Variants in USP24 observed in about 807,000 individuals in gnomAD.
USP24 encodes the protein ubiquitin specific peptidase 24, also known as ubiquitin carboxyl-terminal hydrolase 24.
Under a neutral mutation model 361.6 loss-of-function variants are expected in USP24, and 97 were observed. That is an observed-to-expected ratio of 0.27 (90% CI 0.23 to 0.32). The LOEUF is 0.32. USP24 is among the 10% of genes least tolerant of loss of function. The pLI is 1.00. For missense variants in USP24, 2,353 were observed against 3,165.6 expected, an observed-to-expected ratio of 0.74 and a Z score of 6.16; for synonymous variants, 1,098 against 1,124.6, an observed-to-expected ratio of 0.98 and a Z score of 0.47.
rs1214503766 is a variant in USP24, at chr1:55,159,682, T to C, written c.997A>G (p.Met333Val). 6.4e-7 allele frequency: 1 copy of C among 1,556,170 alleles called. No homozygotes were observed. Among genetic ancestry groups the C allele is most frequent in the Admixed American group, 1.9e-5 (1 of 51,558 alleles). Residue 333 changes from methionine (M) to valine (V), a missense_variant, in exon 9 of 68, where the codon ATG becomes GTG. Met to Val is a conservative substitution (Grantham distance 21). Coordinates refer to ENST00000294383, the MANE Select transcript of USP24 (RefSeq NM_015306.3). ...GTAGTAAGAATGACTGGGTCTAGCA[T>C]GGGCTGTAGAAATAAAATGCTACAG... The part of the protein sequence containing the change: ...EYLNSSVVQP[M>V]LDPVILTTIQ...
At chr1:55,121,081 T>C (rs1358247529) in intron 37 of USP24, among the ~76,000 whole-genome samples, 1 of 152,240 alleles carries the variant, frequency 6.6e-6, no homozygotes, top group East Asian at 1.9e-4. Context: ...TAATATCTAA[T>C]GAAAGTTTAT....
intron 1 of USP24, among the ~76,000 whole-genome samples, chr1:55,207,779 T>C (rs776542135): frequency 6.6e-6 from 1 of 152,218 alleles, no homozygotes. Context: ...AATGGTTTTA[T>C]AAAATATTCT....
Position 55,081,255 on chromosome 1 carries a change from C to G in USP24, c.7078+67G>C, listed in dbSNP as rs1570355603. Reference sequence around the variant, plus strand: ...GAAACAAGAGACATTCATTTACTTGCTAATATAATTACTCTCCAAGCTAGA... The same window carrying G: ...GAAACAAGAGACATTCATTTACTTGGTAATATAATTACTCTCCAAGCTAGA... On this transcript the variant is annotated intron_variant, in intron 59 of 67. Coordinates refer to ENST00000294383, the MANE Select transcript of USP24 (RefSeq NM_015306.3). The G allele has an allele frequency of 1.8e-5, 26 of 1,439,092 alleles. No homozygotes were observed. In the East Asian group the frequency reaches 5.9e-4, roughly 32 times the overall value. 89.1% of individuals were successfully genotyped at this position (1,439,092 alleles called of 1,614,324 possible). A position where few individuals can be genotyped will look rare whatever the true frequency, so the allele number is the denominator to read the frequency against.
intron 1 of USP24, among the ~76,000 whole-genome samples, chr1:55,208,541 A>G (rs1439193784): frequency 1.3e-5 from 2 of 152,070 alleles, no homozygotes; most frequent in Non-Finnish European, 2.9e-5. Context: ...AGGCAGGAGA[A>G]TCACTTGAAC....
chr1:55,174,092 C>A (rs1052403081), intron 3 of USP24, among the ~76,000 whole-genome samples: 2 of 152,188 alleles, frequency 1.3e-5, no homozygotes, highest in Non-Finnish European at 2.9e-5. Flanking sequence ...CCTGAATACA[C>A]TAGTAAAAAT....
Position 55,078,669 on chromosome 1 carries a change from C to A in USP24, c.7201-18G>T. On this transcript the variant is annotated intron_variant, in intron 60 of 67. Transcript: ENST00000294383. Reference sequence around the variant, plus strand: ...AACATTACCTGGTGGGAAGACATAACACAGTCAGCTATTCTCATGTCACAG... The same window carrying A: ...AACATTACCTGGTGGGAAGACATAAAACAGTCAGCTATTCTCATGTCACAG... The A allele has an allele frequency of 6.3e-7, 1 of 1,583,008 alleles. No individual in the cohort carries two copies. The highest frequency in any genetic ancestry group is 1.3e-5 in the African/African-American group (1 of 74,516).
chr1:55,133,707 G>T (rs1646658032), intron 30 of USP24, among the ~76,000 whole-genome samples: 1 of 149,384 alleles, frequency 6.7e-6, no homozygotes, highest in South Asian at 2.1e-4. Context: ...TGTAATCTTG[G>T]CTCACTGCAG....
chr1:55,067,772 T>C lies in USP24; in HGVS notation c.*1273A>G, dbSNP rs1644848196. ...TAAAGGCAAAACAGGGCCGAAAATG[T>C]GAGCAATTCAAAATACAAAATGTAC... On this transcript the variant is annotated 3_prime_UTR_variant, in exon 68 of 68. Coordinates refer to ENST00000294383, the MANE Select transcript of USP24 (RefSeq NM_015306.3). 6.6e-6 allele frequency: 1 copy of C among 152,200 alleles called. No individual in the cohort carries two copies. The highest frequency in any genetic ancestry group is 2.1e-4 in the South Asian group (1 of 4,832). The allele number at this position is 152,200 out of a possible 1,614,324, so 9.4% of individuals were successfully genotyped here.
At chr1:55,144,535 T>C (rs1646976820) in intron 20 of USP24, among the ~76,000 whole-genome samples, 1 of 152,218 alleles carries the variant, frequency 6.6e-6, no homozygotes, top group Non-Finnish European at 1.5e-5. Flanking sequence ...AATTTTAAAA[T>C]GGGCAAAAGA....
chr1:55,097,457 G>T, intron 48 of USP24, 141 bp downstream of exon 48: 2 of 1,282,722 alleles, frequency 1.6e-6, no homozygotes, highest in South Asian at 1.6e-5. Context: ...AACAGCAGCT[G>T]CCTAAGATAA....
intron 40 of USP24, 57 bp downstream of exon 40, chr1:55,107,182 C>T: frequency 6.4e-7 from 1 of 1,555,278 alleles, no homozygotes; most frequent in Non-Finnish European, 8.7e-7. Context: ...ACACACAGTA[C>T]TGGCAATAAC....
intron 41 of USP24, 27 bp from the exon 42 acceptor site, chr1:55,104,047 T>C: frequency 3.8e-6 from 6 of 1,579,236 alleles, no homozygotes; most frequent in Non-Finnish European, 5.2e-6. Flanking sequence ...CAAGTCAATT[T>C]CAACAATGAA....
chr1:55,151,849 A>C, intron 16 of USP24: 1 of 954,382 alleles, frequency 1.0e-6, no homozygotes, highest in East Asian at 1.2e-4. Context: ...AAGGGTAATC[A>C]GTTGGGGGAA....
intron 38 of USP24, among the ~76,000 whole-genome samples, chr1:55,111,575 C>G (rs1645955580): frequency 6.6e-6 from 1 of 151,948 alleles, no homozygotes; most frequent in South Asian, 2.1e-4. Flanking sequence ...AAAAAGTATA[C>G]AAAGATAAAA....
chr1:55,194,298 C>T (rs537035668), intron 1 of USP24, among the ~76,000 whole-genome samples: 1 of 152,324 alleles, frequency 6.6e-6, no homozygotes, highest in African/African-American at 2.4e-5. Flanking sequence ...CACTTGCTAG[C>T]TGTGTTACCT....
At chr1:55,077,875 A>G (rs1645063196) in intron 61 of USP24, among the ~76,000 whole-genome samples, 1 of 152,222 alleles carries the variant, frequency 6.6e-6, no homozygotes, top group South Asian at 2.1e-4. Context: ...TTCACGTATT[A>G]TACCACCTCA....
At chr1:55,156,206 T>C (rs1177792204) in intron 12 of USP24, among the ~76,000 whole-genome samples, 1 of 152,114 alleles carries the variant, frequency 6.6e-6, no homozygotes, top group African/African-American at 2.4e-5. Flanking sequence ...CAATGCACTA[T>C]GCATGGGAAT....
chr1:55,077,578 C>T (rs1317173677), intron 61 of USP24, among the ~76,000 whole-genome samples: 1 of 152,092 alleles, frequency 6.6e-6, no homozygotes, highest in African/African-American at 2.4e-5. Context: ...CTAAACAGAT[C>T]CGATTTTATA....
At position 55,145,978 on chromosome 1, in the gene USP24, G is replaced by T. The variant is rs1384622445; in HGVS notation, c.2362+20C>A. On this transcript the variant is annotated intron_variant, in intron 20 of 67. Transcript: ENST00000294383. ...CTTACTTAAAAGTACTGAAAAAAAT[G>T]ATTTTAAGTTTTTTCCTACCATTCA... The T allele has an allele frequency of 1.3e-6, 2 of 1,528,730 alleles. No homozygotes were observed. Among genetic ancestry groups the T allele is most frequent in the Non-Finnish European group, 1.8e-6 (2 of 1,106,358 alleles). 94.7% of individuals were successfully genotyped at this position (1,528,730 alleles called of 1,614,324 possible).
Sources: gnomAD v4.1 joint callset for allele counts (sites outside exome capture counted in the v4.1 genomes callset) on GRCh38, gnomAD v4.1.1 for gene constraint, MANE v1.5 for transcripts, NCBI Gene and HGNC (gene_info 2026-07-23, HGNC 2026-07-21) for gene names.